The following NRG1 variants were observed in gnomAD, a reference collection of about 807,000 sequenced individuals.
NRG1 encodes the protein pro-neuregulin-1, membrane-bound isoform.
NRG1 carries 18 observed loss-of-function variants against 63.8 expected under a neutral mutation model. The ratio of observed to expected loss-of-function variants is 0.28; its 90% CI spans 0.19 to 0.42. NRG1 has a LOEUF of 0.42. NRG1 is among the 10% of genes least tolerant of loss of function. NRG1 has a pLI of 1.00. For synonymous variants in NRG1, 302 were observed against 301.3 expected, an observed-to-expected ratio of 1.00 and a Z score of -0.02; for missense variants, 762 against 814.7, an observed-to-expected ratio of 0.94 and a Z score of 0.79.
chr8:32,270,176 C>A (rs1361940385), intron 1 of NRG1, among the ~76,000 whole-genome samples: 1 of 152,066 alleles, frequency 6.6e-6, no homozygotes, highest in Non-Finnish European at 1.5e-5. Flanking sequence ...TAGGAATGCC[C>A]AGTACATTTA....
At chr8:32,204,425 A>G (rs1163051319) in intron 1 of NRG1, among the ~76,000 whole-genome samples, 3 of 152,210 alleles carry the variant, frequency 2.0e-5, no homozygotes, top group Admixed American at 2.0e-4. Context: ...GTCCTGTGAC[A>G]GTGGCACTAA....
At chr8:31,781,704 C>A (rs982210579) in intron 1 of NRG1, among the ~76,000 whole-genome samples, 3 of 152,046 alleles carry the variant, frequency 2.0e-5, no homozygotes, top group African/African-American at 4.8e-5. Context: ...TGAATTATAG[C>A]CAGTCATGGG....
chr8:32,760,119 GA>G, intron 10 of NRG1, 80 bp from the exon 11 acceptor site: 1 of 1,516,186 alleles, frequency 6.6e-7, no homozygotes, highest in East Asian at 2.3e-5. Flanking sequence ...ACATTTGTCA[GA>G]ATCCATTCCT....
At chr8:32,308,275 A>G (rs1856446308) in intron 1 of NRG1, among the ~76,000 whole-genome samples, 1 of 152,190 alleles carries the variant, frequency 6.6e-6, no homozygotes, top group Non-Finnish European at 1.5e-5. Flanking sequence ...TTTAAAATTC[A>G]TTAGACTTTC....
chr8:32,206,691 A>T lies in NRG1; in HGVS notation c.38-389137A>T, dbSNP rs551742877. Among the ~76,000 whole-genome samples the T allele has an allele frequency of 5.8e-4, 89 of 152,234 alleles. 2 individuals are homozygous for T. The South Asian group carries it at 0.018, about 31-fold the overall frequency. ...GTACAAGTGCAGTTTCATTACATGGATGTATTGTGTAATGGTGAAGTCTCG... is the reference window on the plus strand; with the variant it reads ...GTACAAGTGCAGTTTCATTACATGGTTGTATTGTGTAATGGTGAAGTCTCG... On this transcript the variant is annotated intron_variant, in intron 1 of 10. Transcript: ENST00000519301.
upstream of NRG1, among the ~76,000 whole-genome samples, chr8:32,547,183 G>C (rs3802159): frequency 0.11 from 16,281 of 152,150 alleles, 2,083 homozygotes; most frequent in East Asian, 0.59. Context: ...CGTGGTGCCC[G>C]TTACCCTGGT....
rs190522951 is a variant in NRG1 at position 32,388,383 on chromosome 8, G to A, written c.38-207445G>A. ...TTAATTAGCAAGCAAAATTTCTAACGTAGGGGTTTTCCCACATCTTAAGTA... is the reference window on the plus strand; with the variant it reads ...TTAATTAGCAAGCAAAATTTCTAACATAGGGGTTTTCCCACATCTTAAGTA... On this transcript the variant is annotated intron_variant, in intron 1 of 10. Coordinates refer to the NRG1 transcript ENST00000519301. 7.2e-5 allele frequency among the ~76,000 whole-genome samples: 11 copies of A among 152,314 alleles called. 1 individual carries two copies. Among genetic ancestry groups the A allele is most frequent in the Admixed American group, 5.9e-4 (9 of 15,306 alleles).
At chr8:32,197,052 C>T (rs1398201913) in intron 1 of NRG1, among the ~76,000 whole-genome samples, 14 of 147,140 alleles carry the variant, frequency 9.5e-5, no homozygotes, top group African/African-American at 2.8e-4. Flanking sequence ...CTTCGCCTCC[C>T]GGGTTCAAAC....
At position 32,743,852 on chromosome 8, in the gene NRG1, A is replaced by T. The variant is rs543681630; in HGVS notation, c.691+1119A>T. ...GCAATTTTTTTCTGTAAAGGTTCAGAGAGCAAATATTTTAGGATTTGTGGT... is the reference window on the plus strand; with the variant it reads ...GCAATTTTTTTCTGTAAAGGTTCAGTGAGCAAATATTTTAGGATTTGTGGT... On this transcript the variant is annotated intron_variant, in intron 7 of 11. Transcript: ENST00000356819. Among the ~76,000 whole-genome samples the T allele has an allele frequency of 2.4e-4, 37 of 152,158 alleles. No individual in the cohort carries two copies. The South Asian group carries it at 7.5e-3, about 31-fold the overall frequency.
rs186983616 is a variant in NRG1 at position 32,539,113 on chromosome 8, G to A, written c.38-56715G>A. ...GAAAACCATAGTTCAGTGTGGCCAG[G>A]GTGCCCACAATGCACAGGAGAAGAT... is the stretch of plus-strand genomic sequence containing the variant. On this transcript the variant is annotated intron_variant, in intron 1 of 10. Coordinates refer to the NRG1 transcript ENST00000519301. Among the ~76,000 whole-genome samples the A allele has an allele frequency of 5.9e-5, 9 of 152,238 alleles. No homozygotes were observed. In the East Asian group the frequency reaches 1.7e-3, roughly 29 times the overall value.
chr8:32,126,690 T>C (rs1834107282), intron 1 of NRG1, among the ~76,000 whole-genome samples: 1 of 151,934 alleles, frequency 6.6e-6, no homozygotes, highest in Admixed American at 6.6e-5. Context: ...GTGGCACTGA[T>C]TCTTGAAGCT....
intron 6 of NRG1, among the ~76,000 whole-genome samples, chr8:32,738,421 T>C (rs977941366): frequency 3.0e-5 from 3 of 101,518 alleles, no homozygotes; most frequent in African/African-American, 9.4e-5. Context: ...GAATGGTATA[T>C]ACATACACAC....
chr8:32,677,275 G>GTTA (rs1807377889), intron 5 of NRG1, among the ~76,000 whole-genome samples: 1 of 152,062 alleles, frequency 6.6e-6, no homozygotes, highest in Non-Finnish European at 1.5e-5. Flanking sequence ...GATAATTTTA[G>GTTA]GAAATTGGAC....
chr8:32,085,429 A>G (rs912304348), intron 1 of NRG1, among the ~76,000 whole-genome samples: 9 of 152,182 alleles, frequency 5.9e-5, no homozygotes, highest in Non-Finnish European at 1.0e-4. Context: ...TTTGTATTTT[A>G]ATTACACCGT....
In NRG1 at chr8:31,704,129, C is replaced by T. The variant is rs142666889; in HGVS notation, c.37+64698C>T. 1.8e-4 allele frequency among the ~76,000 whole-genome samples: 28 copies of T among 152,290 alleles called. No individual in the cohort carries two copies. The East Asian group carries it at 5.0e-3, about 27-fold the overall frequency. ...AAGTAGTTTCTTGGCTTAAGTTGCC[C>T]TATATTTCTACAAAGGTCTAGTCAG... On this transcript the variant is annotated intron_variant, in intron 1 of 10. Coordinates refer to the NRG1 transcript ENST00000519301.
chr8:32,608,092 G>GTTTTTTTT (rs1226154193), intron 3 of NRG1, among the ~76,000 whole-genome samples: 11 of 106,194 alleles, frequency 1.0e-4, no homozygotes, highest in East Asian at 3.8e-4. Context: ...GGTTTTTTTT[G>GTTTTTTTT]TTTTTTTTTT....
intron 2 of NRG1, among the ~76,000 whole-genome samples, chr8:32,601,444 C>A (rs1405133226): frequency 6.6e-6 from 1 of 152,112 alleles, no homozygotes; most frequent in African/African-American, 2.4e-5. Flanking sequence ...TCACAAGACA[C>A]CCTATACATT....
At chr8:31,995,376 C>T (rs1811795181) in intron 1 of NRG1, among the ~76,000 whole-genome samples, 1 of 151,884 alleles carries the variant, frequency 6.6e-6, no homozygotes, top group Non-Finnish European at 1.5e-5. Flanking sequence ...TGTTTTACTC[C>T]AAAGGACTAT....
intron 1 of NRG1, among the ~76,000 whole-genome samples, chr8:31,910,173 T>A (rs1378320315): frequency 6.6e-6 from 1 of 152,128 alleles, no homozygotes; most frequent in Non-Finnish European, 1.5e-5. Flanking sequence ...CGATGACACA[T>A]AGGAAAGAAT....
Sources: gnomAD v4.1 joint callset for allele counts (sites outside exome capture counted in the v4.1 genomes callset) on GRCh38, gnomAD v4.1.1 for gene constraint, MANE v1.5 for transcripts, NCBI Gene and HGNC (gene_info 2026-07-23, HGNC 2026-07-21) for gene names.